Variants in NBPF14 observed in about 807,000 individuals in gnomAD.
NBPF14 encodes NBPF member 14.
A neutral mutation model predicts 91.2 loss-of-function variants in NBPF14; 104 were observed. That is an observed-to-expected ratio of 1.14 (90% CI 0.97 to 1.34). The LOEUF is 1.34. Among genes scored for constraint, NBPF14 ranks in the 40% most tolerant of loss-of-function variants. NBPF14 has a pLI of 0.00. For missense variants in NBPF14, 908 were observed against 783.0 expected (o/e 1.16, Z -1.91); for synonymous variants, 294 against 303.8 (o/e 0.97, Z 0.34).
At position 148,533,849 on chromosome 1, in the gene NBPF14, G is replaced by T; in HGVS notation, c.8723+12C>A. ...AACACAGAACTAAGGATCCACAATTGCTGAAAGTCACCTGGGGCATGGTGG... is the reference window on the plus strand; with the variant it reads ...AACACAGAACTAAGGATCCACAATTTCTGAAAGTCACCTGGGGCATGGTGG... On this transcript the variant is annotated intron_variant, in intron 70 of 70. Coordinates refer to ENST00000619423, the Ensembl canonical transcript of NBPF14. 3.9e-6 allele frequency: 3 copies of T among 765,246 alleles called. No homozygotes were observed. Among genetic ancestry groups the T allele is most frequent in the Non-Finnish European group, 7.2e-6 (3 of 418,236 alleles). 47.4% of individuals were successfully genotyped at this position (765,246 alleles called of 1,614,324 possible). A position where few individuals can be genotyped will look rare whatever the true frequency, so the allele number is the denominator to read the frequency against.
rs587667433 is a variant in NBPF14, at chr1:148,534,538, C to T, written c.8614+146G>A. On this transcript the variant is annotated intron_variant, in intron 69 of 70. Coordinates refer to ENST00000619423, the Ensembl canonical transcript of NBPF14. Reference sequence around the variant, plus strand: ...ATGTCTAGGCTTCCAGCTGAGACTACAGTTTCATTACAACCTATATGCGCC... The same window carrying T: ...ATGTCTAGGCTTCCAGCTGAGACTATAGTTTCATTACAACCTATATGCGCC... 1.3e-5 allele frequency: 9 copies of T among 710,638 alleles called. 1 individual carries two copies. Among genetic ancestry groups the T allele is most frequent in the African/African-American group, 1.2e-4 (7 of 56,926 alleles). The allele number at this position is 710,638 out of a possible 1,614,324, so 44.0% of individuals were successfully genotyped here. A position where few individuals can be genotyped will look rare whatever the true frequency, so the allele number is the denominator to read the frequency against.
chr1:148,576,983 AG>A (rs1659935401), intron 15 of NBPF14, among the ~76,000 whole-genome samples, 199 bp downstream of exon 15: 1 of 144,804 alleles, frequency 6.9e-6, no homozygotes, highest in African/African-American at 2.5e-5. Flanking sequence ...GCCTGAGACT[AG>A]GAAGAGAGCC....
rs1308735588 is a variant in NBPF14, at chr1:148,578,982, C to T, written c.1801+92G>A. 4.5e-4 allele frequency: 291 copies of T among 646,358 alleles called. 1 individual carries two copies. Among genetic ancestry groups the T allele is most frequent in the Non-Finnish European group, 6.5e-4 (232 of 357,944 alleles). The allele number at this position is 646,358 out of a possible 1,614,324, so 40.0% of individuals were successfully genotyped here. A position where few individuals can be genotyped will look rare whatever the true frequency, so the allele number is the denominator to read the frequency against. ...GGTTCAGCCCACGGTGATGGCAAAT[C>T]TCAGCCCAACAAGGGGCACAAGGCC... On this transcript the variant is annotated intron_variant, in intron 13 of 70. Coordinates refer to ENST00000619423, the Ensembl canonical transcript of NBPF14.
At chr1:148,561,776 G>GACAC (rs1179446616) in intron 34 of NBPF14, among the ~76,000 whole-genome samples, 197 bp from the exon 35 acceptor site, 3 of 114,334 alleles carry the variant, frequency 2.6e-5, no homozygotes, top group East Asian at 2.7e-4. Context: ...AAGACAGATA[G>GACAC]ACACACACAC....
intron 12 of NBPF14, among the ~76,000 whole-genome samples, chr1:148,580,768 G>T (rs1660780562): frequency 1.8e-5 from 1 of 55,902 alleles, no homozygotes; most frequent in Non-Finnish European, 3.1e-5. Flanking sequence ...AACCCTACAA[G>T]CCAGAAGAGA....
intron 69 of NBPF14, 78 bp downstream of exon 69, chr1:148,534,606 G>A: frequency 1.1e-6 from 1 of 905,142 alleles, no homozygotes; most frequent in Non-Finnish European, 1.9e-6. Context: ...GGGTGAGTAA[G>A]GGCCACTTGG....
rs1337510053 is a variant in NBPF14, at chr1:148,559,815, A to C, written c.4707T>G (p.Val1569=). 2.0e-6 allele frequency: 3 copies of C among 1,532,928 alleles called. 1 individual carries two copies. In the African/African-American group the frequency reaches 5.8e-5, roughly 30 times the overall value. The allele number at this position is 1,532,928 out of a possible 1,614,324, so 95.0% of individuals were successfully genotyped here. ...CACCATCCATGTCAACAGCCAAGCC[A>C]ACACGCTGCTGCTCCAATATGTAAA... Residue 1569 remains valine, a synonymous_variant, in exon 37 of 71, where the codon GTT becomes GTG. Transcript: ENST00000619423.
Position 148,566,263 on chromosome 1 carries a change from G to C in NBPF14, c.3595C>G (p.Leu1199Val), listed in dbSNP as rs1482770951. The change falls in exon 29 of 71, where the codon CTG becomes GTG. Residue 1199 changes from leucine to valine, a missense_variant. By Grantham distance (32) the Leu-to-Val change is conservative (BLOSUM62 1). This residue lies in a region of NBPF14 where 447 missense variants were observed against 189.1 expected (regional missense o/e 2.36). Transcript: ENST00000619423. Reference sequence around the variant, plus strand: ...GAAGGAGTTGAATAACATCTATCCAGTGAGTCCTGCAAGACTTCAGGCTCT... The same window carrying C: ...GAAGGAGTTGAATAACATCTATCCACTGAGTCCTGCAAGACTTCAGGCTCT... The C allele has an allele frequency of 5.3e-5, 34 of 646,934 alleles. 3 individuals are homozygous for C. The highest frequency in any genetic ancestry group is 7.4e-5 in the Non-Finnish European group (27 of 363,190). The allele number at this position is 646,934 out of a possible 1,614,324, so 40.1% of individuals were successfully genotyped here.
exon 39 of NBPF14, chr1:148,558,281 T>C: frequency 1.0e-5 from 1 of 96,440 alleles, no homozygotes; most frequent in Non-Finnish European, 1.6e-5. Flanking sequence ...GCCAAGGTAC[T>C]GTTCCTCCAA....
chr1:148,559,782 A>C lies in NBPF14; in HGVS notation c.4729+11T>G. 1 of 1,457,408 alleles carries C rather than the reference A, an allele frequency of 6.9e-7. No homozygotes were observed. The allele number at this position is 1,457,408 out of a possible 1,614,324, so 90.3% of individuals were successfully genotyped here. Reference sequence around the variant, plus strand: ...AGTGGATCCTTATCACCTTCATAGAAAGGTACTCACCATCCATGTCAACAG... The same window carrying C: ...AGTGGATCCTTATCACCTTCATAGACAGGTACTCACCATCCATGTCAACAG... On this transcript the variant is annotated intron_variant, in intron 37 of 70. Coordinates refer to ENST00000619423, the Ensembl canonical transcript of NBPF14.
chr1:148,576,009 G>T (rs1659634888), intron 16 of NBPF14, among the ~76,000 whole-genome samples, 198 bp from the exon 17 acceptor site: 2 of 147,574 alleles, frequency 1.4e-5, no homozygotes, highest in African/African-American at 5.0e-5. Context: ...GACAGGGAGA[G>T]GGAGAGAGAG....
chr1:148,566,559 A>G (rs1429346880), intron 28 of NBPF14, among the ~76,000 whole-genome samples: 2 of 144,118 alleles, frequency 1.4e-5, no homozygotes, highest in African/African-American at 2.5e-5. Context: ...ACACACACAC[A>G]GAGAACGAGC....
At position 148,577,596 on chromosome 1, in the gene NBPF14, A is replaced by T. The variant is rs1162973662; in HGVS notation, c.1854-241T>A. Among the ~76,000 whole-genome samples, 6 of 150,362 alleles carry T rather than the reference A, an allele frequency of 4.0e-5. No homozygotes were observed. The East Asian group carries it at 1.2e-3, about 29-fold the overall frequency. On this transcript the variant is annotated intron_variant, in intron 14 of 70. Transcript: ENST00000619423. ...CACACACTCACACACACACAGAGCG[A>T]GGTCAGTCAATTGGTCAGGTGACAC...
In NBPF14 at chr1:148,566,427, A is replaced by T. The variant is rs1658305856; in HGVS notation, c.3543-112T>A. On this transcript the variant is annotated intron_variant, in intron 28 of 70. Transcript: ENST00000619423. ...AGTGGTTAAAAAACTAAAAGGATAGATCCATTAATGAGGTAACAAATTGTT... is the reference window on the plus strand; with the variant it reads ...AGTGGTTAAAAAACTAAAAGGATAGTTCCATTAATGAGGTAACAAATTGTT... 3.2e-4 allele frequency: 195 copies of T among 609,916 alleles called. 18 individuals are homozygous for T. In the South Asian group the frequency reaches 3.8e-3, roughly 12 times the overall value. The allele number at this position is 609,916 out of a possible 1,614,324, so 37.8% of individuals were successfully genotyped here.
chr1:148,579,971 A>C (rs1378830175), intron 12 of NBPF14, among the ~76,000 whole-genome samples: 1 of 152,024 alleles, frequency 6.6e-6, no homozygotes, highest in African/African-American at 2.4e-5. Context: ...CCAAGGGTAG[A>C]TAAAACCACA....
chr1:148,577,211 C>T (rs1660001629), exon 15 of NBPF14: 1 of 674,970 alleles, frequency 1.5e-6, no homozygotes, highest in South Asian at 1.6e-5. Flanking sequence ...AGCCAACACG[C>T]TGTTGCTCCA....
intron 21 of NBPF14, among the ~76,000 whole-genome samples, chr1:148,572,216 G>C (rs1390792409): frequency 1.9e-3 from 1 of 524 alleles, no homozygotes; most frequent in African/African-American, 0.016. Flanking sequence ...GCGGGCTCAG[G>C]TTGCCACAGG....
At chr1:148,586,866 G>T (rs1205881242) in intron 8 of NBPF14, among the ~76,000 whole-genome samples, 1 of 140,136 alleles carries the variant, frequency 7.1e-6, no homozygotes, top group Non-Finnish European at 1.6e-5. Flanking sequence ...TGCAGATGGG[G>T]CGAATTGAAA....
chr1:148,534,649 G>T, intron 69 of NBPF14, 35 bp downstream of exon 69: 1 of 860,864 alleles, frequency 1.2e-6, no homozygotes, highest in South Asian at 1.3e-5. Flanking sequence ...GGAAGACCAG[G>T]TGGAGGCTTA....
Sources: allele counts gnomAD v4.1 joint callset (sites outside exome capture counted in the v4.1 genomes callset), GRCh38; gene constraint gnomAD v4.1.1; regional missense constraint gnomAD v4.1.1; transcripts MANE v1.5; gene names NCBI Gene and HGNC (gene_info 2026-07-23, HGNC 2026-07-21).